The following ANKRD50 variants were observed in gnomAD, a reference collection of about 807,000 sequenced individuals.
The protein encoded by ANKRD50 is ankyrin repeat domain 50.
In ANKRD50, 40 loss-of-function variants were observed where a neutral mutation model predicts 112.0. The ratio of observed to expected loss-of-function variants is 0.36; its 90% CI spans 0.28 to 0.46. The LOEUF is 0.46. Among genes scored for constraint, ANKRD50 ranks in the 20% least tolerant of loss-of-function variants. The pLI is 1.00. For missense variants in ANKRD50, 1,487 were observed against 1,701.7 expected (o/e 0.87, Z 2.22); for synonymous variants, 613 against 619.1 (o/e 0.99, Z 0.15).
chr4:124,698,076 T>C (rs909484765), intron 2 of ANKRD50, among the ~76,000 whole-genome samples: 7 of 151,992 alleles, frequency 4.6e-5, no homozygotes, highest in South Asian at 2.1e-4. Flanking sequence ...AAGAATGATA[T>C]AGGCTGGGGG....
intron 2 of ANKRD50, among the ~76,000 whole-genome samples, chr4:124,706,706 C>A (rs1468392479): frequency 6.6e-6 from 1 of 152,006 alleles, no homozygotes; most frequent in Non-Finnish European, 1.5e-5. Context: ...GGATTACACC[C>A]TGATAAATCC....
Position 124,665,607 on chromosome 4 carries a change from ATATT to A in ANKRD50, c.*1907_*1910del, listed in dbSNP as rs1004467659. On this transcript the variant is annotated 3_prime_UTR_variant, in exon 5 of 5. Transcript: ENST00000504087. ...TTGGTTCTAATAATAGTATGTGTTCATATTTATTAATAGACTCATTAACACTTTT... is the reference window on the plus strand; with the variant it reads ...TTGGTTCTAATAATAGTATGTGTTCATATTAATAGACTCATTAACACTTTT... 5.2e-5 allele frequency: 8 copies of A among 152,430 alleles called. No individual in the cohort carries two copies. Among genetic ancestry groups the A allele is most frequent in the African/African-American group, 1.9e-4 (8 of 41,438 alleles). The allele number at this position is 152,430 out of a possible 1,614,324, so 9.4% of individuals were successfully genotyped here. A position where few individuals can be genotyped will look rare whatever the true frequency, so the allele number is the denominator to read the frequency against.
At chr4:124,703,757 A>G (rs981977995) in intron 2 of ANKRD50, among the ~76,000 whole-genome samples, 3 of 152,070 alleles carry the variant, frequency 2.0e-5, no homozygotes, top group African/African-American at 7.2e-5. Context: ...CTCAACTTGT[A>G]GAGCACCACT....
chr4:124,685,764 T>C (rs1375178396), intron 2 of ANKRD50, among the ~76,000 whole-genome samples: 1 of 151,710 alleles, frequency 6.6e-6, no homozygotes, highest in Non-Finnish European at 1.5e-5. Flanking sequence ...TAATTTTTTA[T>C]TAATTCAATT....
chr4:124,670,840 C>T lies in ANKRD50; in HGVS notation c.2437G>A (p.Glu813Lys). The T allele has an allele frequency of 6.2e-7, 1 of 1,613,860 alleles. No individual in the cohort carries two copies. Among genetic ancestry groups the T allele is most frequent in the South Asian group, 1.1e-5 (1 of 91,082 alleles). Residue 813 changes from glutamate to lysine, a missense_variant, in exon 4 of 5, where the codon GAA (glutamate) becomes AAA (lysine). By Grantham distance (56) the Glu-to-Lys change is moderately conservative (BLOSUM62 1). Around this residue, in one of 2 missense-constraint regions of ANKRD50, gnomAD observed 1,046 missense variants for 1,269.5 expected, o/e 0.82. Coordinates refer to ENST00000504087, the MANE Select transcript of ANKRD50 (RefSeq NM_020337.3). Reference sequence around the variant, plus strand: ...GCTATACTGAGGACTGTCCTACCTTCACTATCAATACTATCCACAGCTGCA... The same window carrying T: ...GCTATACTGAGGACTGTCCTACCTTTACTATCAATACTATCCACAGCTGCA... The part of the protein sequence containing the change: ...WGAAVDSIDS[E>K]GRTVLSIASA...
chr4:124,674,085 T>C (rs1057456603), intron 3 of ANKRD50, among the ~76,000 whole-genome samples: 2 of 151,988 alleles, frequency 1.3e-5, no homozygotes, highest in African/African-American at 2.4e-5. Context: ...TGTGTGTCCA[T>C]TTGCTTTTGA....
chr4:124,712,454 T>A lies in ANKRD50; in HGVS notation c.-764+4A>T, dbSNP rs1204042165. ...TTCCACCGCCGCCGCCGCCCCCCGGTTACCTCGGCCCCAGCCGCCGCCGTG... is the reference window on the plus strand; with the variant it reads ...TTCCACCGCCGCCGCCGCCCCCCGGATACCTCGGCCCCAGCCGCCGCCGTG... On this transcript the variant is annotated splice_donor_region_variant and intron_variant, in intron 1 of 4. Coordinates refer to ENST00000504087, the MANE Select transcript of ANKRD50 (RefSeq NM_020337.3). The A allele has an allele frequency of 1.3e-5, 2 of 156,018 alleles. No individual in the cohort carries two copies. Among genetic ancestry groups the A allele is most frequent in the African/African-American group, 5.0e-5 (2 of 40,204 alleles). 9.7% of individuals were successfully genotyped at this position (156,018 alleles called of 1,614,324 possible).
At chr4:124,676,328 G>A (rs1452982090) in intron 3 of ANKRD50, among the ~76,000 whole-genome samples, 3 of 151,474 alleles carry the variant, frequency 2.0e-5, no homozygotes, top group African/African-American at 7.3e-5. Context: ...ACCTAGAGGA[G>A]CACAGGTAAA....
chr4:124,699,969 G>A (rs965186986), intron 2 of ANKRD50, among the ~76,000 whole-genome samples: 1 of 152,142 alleles, frequency 6.6e-6, no homozygotes, highest in African/African-American at 2.4e-5. Context: ...ACTCTGTTAT[G>A]CCAATAGATG....
In ANKRD50 at chr4:124,697,799, G is replaced by C. The variant is rs1472732145; in HGVS notation, c.512+12201C>G. On this transcript the variant is annotated intron_variant, in intron 2 of 4. Transcript: ENST00000504087. ...TGCTGGTATAAGAGGAGAGAACCAA[G>C]TGAGAAAGTGAAGAAAGTGTTGCTA... Among the ~76,000 whole-genome samples the C allele has an allele frequency of 1.8e-4, 27 of 152,298 alleles. 1 individual carries two copies. The highest frequency in any genetic ancestry group is 4.1e-4 in the South Asian group (2 of 4,828).
rs562598388 is a variant in ANKRD50, at chr4:124,670,842, C to T, written c.2435G>A (p.Ser812Asn). The T allele has an allele frequency of 8.1e-6, 13 of 1,613,840 alleles. No individual in the cohort carries two copies. Among genetic ancestry groups the T allele is most frequent in the Middle Eastern group, 1.7e-4 (1 of 6,058 alleles). Residue 812 changes from serine to asparagine, a missense_variant, in exon 4 of 5, where the codon AGT (serine) becomes AAT (asparagine). Physicochemically the swap from Ser to Asn is conservative, Grantham distance 46. Coordinates refer to ENST00000504087, the MANE Select transcript of ANKRD50 (RefSeq NM_020337.3). ...TATACTGAGGACTGTCCTACCTTCA[C>T]TATCAATACTATCCACAGCTGCACC... ...FWGAAVDSID[S>N]EGRTVLSIAS... is the part of the protein sequence containing the mutation.
In ANKRD50 at chr4:124,710,330, GCATTATT is replaced by G; in HGVS notation, c.175_181del (p.Asn59LeufsTer16). On this transcript the variant is annotated frameshift_variant, in exon 2 of 5. Transcript: ENST00000504087. LOFTEE classifies it high-confidence loss of function. The stretch of plus-strand genomic sequence containing the variant: ...AGCTCCCTTTCCAGAGACACCACTA[GCATTATT>G]CCCAGAATTCATTACAAGTGATGGT... 1 of 1,614,172 alleles carries G rather than the reference GCATTATT, an allele frequency of 6.2e-7. No individual in the cohort carries two copies. The highest frequency in any genetic ancestry group is 8.5e-7 in the Non-Finnish European group (1 of 1,180,030).
chr4:124,670,170 G>C lies in ANKRD50; in HGVS notation c.3107C>G (p.Ala1036Gly), dbSNP rs773106734. The change falls in exon 4 of 5, where the codon GCT (alanine) becomes GGT (glycine). Residue 1036 changes from alanine (A) to glycine (G), a missense_variant. By Grantham distance (60) the Ala-to-Gly change is moderately conservative. This residue lies in a region of ANKRD50 where 1,046 missense variants were observed against 1,269.5 expected (regional missense o/e 0.82). Transcript: ENST00000504087. ...TTGGTTACATGTATGGTCAACTACA[G>C]CACCATGCTCAATCAGAAGCTGAAC... ...KVVQLLIEHGAVVDHTCNQGA... is the reference protein window; with the variant it reads ...KVVQLLIEHGGVVDHTCNQGA... 1 of 1,612,714 alleles carries C rather than the reference G, an allele frequency of 6.2e-7. No homozygotes were observed. The highest frequency in any genetic ancestry group is 1.7e-5 in the Admixed American group (1 of 59,640).
At position 124,706,846 on chromosome 4, in the gene ANKRD50, T is replaced by C. The variant is rs532433277; in HGVS notation, c.512+3154A>G. ...ACATTAGTCTACACTTGAGCAAAAG[T>C]ATCTAACACAAAGTTTATTTTATAA... is the stretch of plus-strand genomic sequence containing the variant. On this transcript the variant is annotated intron_variant, in intron 2 of 4. Coordinates refer to ENST00000504087, the MANE Select transcript of ANKRD50 (RefSeq NM_020337.3). Among the ~76,000 whole-genome samples, 3 of 152,204 alleles carry C rather than the reference T, an allele frequency of 2.0e-5. No homozygotes were observed. In the East Asian group the frequency reaches 5.8e-4, roughly 29 times the overall value.
chr4:124,712,296 C>T (rs997678575), intron 1 of ANKRD50, among the ~76,000 whole-genome samples, 162 bp downstream of exon 1: 3 of 152,160 alleles, frequency 2.0e-5, no homozygotes, highest in Non-Finnish European at 4.4e-5. Context: ...CCCGCTCCCG[C>T]TCCCACCCGG....
At chr4:124,703,921 T>C (rs923293488) in intron 2 of ANKRD50, among the ~76,000 whole-genome samples, 1 of 152,152 alleles carries the variant, frequency 6.6e-6, no homozygotes, top group African/African-American at 2.4e-5. Context: ...GGTTGAGGAC[T>C]GGTTCAGCAA....
In ANKRD50 at chr4:124,665,791, T is replaced by C. The variant is rs1429848208; in HGVS notation, c.*1727A>G. ...TCAACTTATCTCGTAGTCCTCACTA[T>C]GACTTATAGATGACAGACAAAATGA... On this transcript the variant is annotated 3_prime_UTR_variant, in exon 5 of 5. Transcript: ENST00000504087. 3 of 152,410 alleles carry C rather than the reference T, an allele frequency of 2.0e-5. No homozygotes were observed. Among genetic ancestry groups the C allele is most frequent in the African/African-American group, 7.2e-5 (3 of 41,436 alleles). 9.4% of individuals were successfully genotyped at this position (152,410 alleles called of 1,614,324 possible).
intron 2 of ANKRD50, among the ~76,000 whole-genome samples, chr4:124,708,144 T>G (rs1379754101): frequency 6.6e-6 from 1 of 152,152 alleles, no homozygotes; most frequent in Non-Finnish European, 1.5e-5. Context: ...GCTCTGCCAC[T>G]AGTATCTTCA....
rs1013129111 is a variant in ANKRD50 at position 124,710,375 on chromosome 4, C to G, written c.137G>C (p.Ser46Thr). 6.2e-7 allele frequency: 1 copy of G among 1,614,110 alleles called. No homozygotes were observed. The highest frequency in any genetic ancestry group is 1.3e-5 in the African/African-American group (1 of 74,918). ...CLQEKSNCCNSAVNAPSLVMN... is the reference protein window; with the variant it reads ...CLQEKSNCCNTAVNAPSLVMN... ...TACAAGTGATGGTGCATTGACAGCA[C>G]TATTGCAGCAGTTACTTTTCTCCTG... is the stretch of plus-strand genomic sequence containing the variant. The change falls in exon 2 of 5, where the codon AGT becomes ACT. Residue 46 changes from serine to threonine, a missense_variant. Around this residue, in one of 2 missense-constraint regions of ANKRD50, gnomAD observed 1,046 missense variants for 1,269.5 expected, o/e 0.82. Transcript: ENST00000504087.
Sources: gnomAD v4.1 joint callset for allele counts (sites outside exome capture counted in the v4.1 genomes callset) on GRCh38, gnomAD v4.1.1 for gene constraint, gnomAD v4.1.1 regional missense constraint, MANE v1.5 for transcripts, NCBI Gene and HGNC (gene_info 2026-07-23, HGNC 2026-07-21) for gene names.